SUSD6: variants seen among roughly 807,000 people sequenced by gnomAD.
SUSD6 encodes the protein sushi domain containing 6.
A neutral mutation model predicts 28.4 loss-of-function variants in SUSD6; 16 were observed. The ratio of observed to expected loss-of-function variants is 0.56; its 90% CI spans 0.38 to 0.86. The LOEUF is 0.86. Ranked by LOEUF, SUSD6 falls within the 40% of genes least tolerant of loss-of-function variation. SUSD6 has a pLI of 0.00. For synonymous variants in SUSD6, 147 were observed against 159.6 expected (o/e 0.92, Z 0.59); for missense variants, 341 against 384.2 (o/e 0.89, Z 0.94).
At chr14:69,643,423 G>C (rs1194173942) in intron 1 of SUSD6, among the ~76,000 whole-genome samples, 1 of 152,200 alleles carries the variant, frequency 6.6e-6, no homozygotes, top group African/African-American at 2.4e-5. Flanking sequence ...CCAGTATCTT[G>C]CTGAACGTGG....
chr14:69,667,467 C>A (rs1885761035), intron 2 of SUSD6, among the ~76,000 whole-genome samples: 1 of 146,732 alleles, frequency 6.8e-6, no homozygotes, highest in Non-Finnish European at 1.5e-5. Flanking sequence ...AGCTCCGCCT[C>A]CTGGGTTCAC....
chr14:69,667,787 A>G (rs1245621473), intron 2 of SUSD6, among the ~76,000 whole-genome samples: 2 of 152,020 alleles, frequency 1.3e-5, no homozygotes, highest in African/African-American at 4.8e-5. Context: ...GAGCTTTGAT[A>G]TCTGTACACA....
intron 2 of SUSD6, among the ~76,000 whole-genome samples, chr14:69,665,184 C>A (rs1885720555): frequency 6.6e-6 from 1 of 152,216 alleles, no homozygotes; most frequent in Non-Finnish European, 1.5e-5. Context: ...TCATCGACCT[C>A]ATCTTCAGCT....
chr14:69,636,383 G>C (rs189379970), intron 1 of SUSD6, among the ~76,000 whole-genome samples: 62 of 152,336 alleles, frequency 4.1e-4, no homozygotes, highest in African/African-American at 1.2e-3. Flanking sequence ...CCTGAAATGA[G>C]TGCTTCTCAC....
intron 2 of SUSD6, among the ~76,000 whole-genome samples, chr14:69,666,534 C>T (rs893758311): frequency 6.6e-5 from 10 of 152,206 alleles, no homozygotes; most frequent in African/African-American, 2.4e-4. Context: ...GAGAATATAA[C>T]ATTAGAATTA....
chr14:69,613,125 T>G (rs1884906397), intron 1 of SUSD6, among the ~76,000 whole-genome samples: 1 of 152,230 alleles, frequency 6.6e-6, no homozygotes. Context: ...AGAAGGTATT[T>G]AAGCAGCAAT....
At chr14:69,611,963 G>T (rs1483598141) in intron 1 of SUSD6, 135 bp downstream of exon 1, 1 of 150,024 alleles carries the variant, frequency 6.7e-6, no homozygotes, top group African/African-American at 2.4e-5. Flanking sequence ...CGGCTTCGGC[G>T]GCTCCCCGCG....
chr14:69,635,067 C>T (rs996870128), intron 1 of SUSD6, among the ~76,000 whole-genome samples: 3 of 152,018 alleles, frequency 2.0e-5, no homozygotes, highest in East Asian at 1.9e-4. Context: ...ATGATGATGA[C>T]GACGATGAAG....
chr14:69,689,595 T>TAAATTAATGAAGG (rs1886125265), intron 2 of SUSD6, among the ~76,000 whole-genome samples: 1 of 152,260 alleles, frequency 6.6e-6, no homozygotes, highest in South Asian at 2.1e-4. Context: ...AGAAATTTGT[T>TAAATTAATGAAGG]AAATTAATGA....
At chr14:69,612,257 G>C (rs1272756010) in intron 1 of SUSD6, among the ~76,000 whole-genome samples, 1 of 152,146 alleles carries the variant, frequency 6.6e-6, no homozygotes, top group Non-Finnish European at 1.5e-5. Flanking sequence ...GCAAAGCTGC[G>C]GGGCTTGCGC....
intron 2 of SUSD6, among the ~76,000 whole-genome samples, chr14:69,692,249 A>G (rs1886164224): frequency 6.6e-6 from 1 of 152,202 alleles, no homozygotes; most frequent in African/African-American, 2.4e-5. Context: ...TCTGGGCACA[A>G]CTAAACTCAC....
chr14:69,635,679 G>A (rs1031664767), intron 1 of SUSD6, among the ~76,000 whole-genome samples: 6 of 151,820 alleles, frequency 4.0e-5, no homozygotes, highest in African/African-American at 1.5e-4. Context: ...TGTGGCAGAT[G>A]TGAAGGAGTT....
chr14:69,678,508 A>G (rs955457941), intron 2 of SUSD6, among the ~76,000 whole-genome samples: 4 of 152,146 alleles, frequency 2.6e-5, no homozygotes. Flanking sequence ...TTCACTGTTA[A>G]AAACAATGCT....
At chr14:69,694,037 G>A (rs1307490133) in intron 2 of SUSD6, among the ~76,000 whole-genome samples, 3 of 152,220 alleles carry the variant, frequency 2.0e-5, no homozygotes, top group Non-Finnish European at 2.9e-5. Flanking sequence ...TGCAAGTCAC[G>A]TTGGTTTTCT....
chr14:69,665,113 C>T (rs976386640), intron 2 of SUSD6, among the ~76,000 whole-genome samples: 2 of 152,194 alleles, frequency 1.3e-5, no homozygotes, highest in African/African-American at 4.8e-5. Context: ...TTAGAGATAA[C>T]GTTTCCATGG....
chr14:69,638,582 A>G (rs529000895), intron 1 of SUSD6, among the ~76,000 whole-genome samples: 17 of 152,242 alleles, frequency 1.1e-4, no homozygotes, highest in African/African-American at 4.1e-4. Context: ...GGACTTCCCC[A>G]AACTTTAACA....
intron 2 of SUSD6, among the ~76,000 whole-genome samples, chr14:69,693,357 G>A (rs1886179423): frequency 1.3e-5 from 2 of 152,270 alleles, no homozygotes; most frequent in South Asian, 2.1e-4. Context: ...AAGAGGAGGT[G>A]AAAGGGTAAC....
At chr14:69,642,855 A>G (rs867290645) in intron 1 of SUSD6, among the ~76,000 whole-genome samples, 2 of 152,158 alleles carry the variant, frequency 1.3e-5, no homozygotes, top group Non-Finnish European at 1.5e-5. Context: ...TGCACAGATC[A>G]GTACTCAGCC....
At chr14:69,635,051 TTGA>T (rs369240515) in intron 1 of SUSD6, among the ~76,000 whole-genome samples, 3 of 152,262 alleles carry the variant, frequency 2.0e-5, no homozygotes, top group African/African-American at 7.2e-5. Context: ...ATTAAGTCCT[TTGA>T]TGATGATGAT....
Sources: allele counts gnomAD v4.1 joint callset (sites outside exome capture counted in the v4.1 genomes callset), GRCh38; gene constraint gnomAD v4.1.1; transcripts MANE v1.5; gene names NCBI Gene and HGNC (gene_info 2026-07-23, HGNC 2026-07-21).